The following FAM171B variants were observed in gnomAD, a reference collection of about 807,000 sequenced individuals.
FAM171B encodes family with sequence similarity 171 member B.
A neutral mutation model predicts 75.6 loss-of-function variants in FAM171B; 19 were observed. The observed-to-expected ratio is 0.25, with a 90% CI of 0.18 to 0.37. FAM171B has a LOEUF of 0.37. Ranked by LOEUF, FAM171B falls within the 10% of genes least tolerant of loss-of-function variation. FAM171B has a pLI of 1.00. For synonymous variants in FAM171B, 367 were observed against 361.7 expected, an observed-to-expected ratio of 1.01 and a Z score of -0.17; for missense variants, 848 against 982.4, an observed-to-expected ratio of 0.86 and a Z score of 1.83.
At chr2:186,723,895 G>A (rs573765964) in intron 1 of FAM171B, among the ~76,000 whole-genome samples, 3 of 152,172 alleles carry the variant, frequency 2.0e-5, no homozygotes, top group African/African-American at 4.8e-5. Flanking sequence ...ATAAAAGTAA[G>A]GATTAATTCT....
At chr2:186,718,631 T>C (rs1030537346) in intron 1 of FAM171B, among the ~76,000 whole-genome samples, 4 of 152,204 alleles carry the variant, frequency 2.6e-5, no homozygotes, top group African/African-American at 9.6e-5. Context: ...TTAAATATAC[T>C]TACATACACA....
At chr2:186,708,389 G>A (rs1689763347) in intron 1 of FAM171B, among the ~76,000 whole-genome samples, 1 of 152,042 alleles carries the variant, frequency 6.6e-6, no homozygotes, top group Non-Finnish European at 1.5e-5. Flanking sequence ...CTCATTGAAT[G>A]TCTATGTGCC....
At chr2:186,720,335 G>A (rs1689933988) in intron 1 of FAM171B, among the ~76,000 whole-genome samples, 1 of 152,170 alleles carries the variant, frequency 6.6e-6, no homozygotes, top group Non-Finnish European at 1.5e-5. Flanking sequence ...ACCACACCTG[G>A]CCATAATATT....
chr2:186,715,346 G>A (rs1302544536), intron 1 of FAM171B, among the ~76,000 whole-genome samples: 1 of 151,962 alleles, frequency 6.6e-6, no homozygotes, highest in Non-Finnish European at 1.5e-5. Flanking sequence ...GGGACTACAG[G>A]CACACGCCAC....
intron 1 of FAM171B, among the ~76,000 whole-genome samples, chr2:186,704,624 T>C (rs1415567057): frequency 6.6e-6 from 1 of 152,208 alleles, no homozygotes; most frequent in African/African-American, 2.4e-5. Context: ...GATAATTTGC[T>C]GATTTCCTTC....
chr2:186,762,245 G>A lies in FAM171B; in HGVS notation c.1903G>A (p.Gly635Arg). 1.2e-6 allele frequency: 2 copies of A among 1,613,654 alleles called. No individual in the cohort carries two copies. Among genetic ancestry groups the A allele is most frequent in the Middle Eastern group, 1.7e-4 (1 of 6,058 alleles). Residue 635 changes from glycine to arginine, a missense_variant, in exon 8 of 8, where the codon GGA becomes AGA. By Grantham distance (125) the Gly-to-Arg change is moderately radical (BLOSUM62 -2). Transcript: ENST00000304698. This position sits in a 1 kb window ranked among gnomAD's most constrained non-coding sequence, Gnocchi z 4.0. ...SSLLESVSVP[G>R]TLNEAVVMTP... ...CTTACTGGAATCCGTCTCTGTTCCT[G>A]GAACACTAAATGAGGCTGTTGTAAT...
At chr2:186,723,935 A>C (rs79997050) in intron 1 of FAM171B, among the ~76,000 whole-genome samples, 3,010 of 152,356 alleles carry the variant, frequency 0.02, 50 homozygotes, top group Non-Finnish European at 0.032. Flanking sequence ...GTTCATTCAG[A>C]AATAAGTATT....
At chr2:186,709,966 C>T (rs967445296) in intron 1 of FAM171B, among the ~76,000 whole-genome samples, 6 of 151,884 alleles carry the variant, frequency 4.0e-5, no homozygotes, top group Admixed American at 3.3e-4. Flanking sequence ...TTCTTTTTTT[C>T]GGGTTAGCCT....
chr2:186,763,175 C>T lies in FAM171B; in HGVS notation c.*352C>T, dbSNP rs1247868832. ...CCTCAAGTTGCCTCCAAAAATGTTG[C>T]CTCTACCATGGTGACTACCCCATGG... On this transcript the variant is annotated 3_prime_UTR_variant, in exon 8 of 8. Coordinates refer to ENST00000304698, the MANE Select transcript of FAM171B (RefSeq NM_177454.4). 2 of 185,010 alleles carry T rather than the reference C, an allele frequency of 1.1e-5. No individual in the cohort carries two copies. Among genetic ancestry groups the T allele is most frequent in the African/African-American group, 4.8e-5 (2 of 42,030 alleles). 11.5% of individuals were successfully genotyped at this position (185,010 alleles called of 1,614,324 possible). A position where few individuals can be genotyped will look rare whatever the true frequency, so the allele number is the denominator to read the frequency against.
intron 4 of FAM171B, among the ~76,000 whole-genome samples, chr2:186,750,597 T>G: frequency 6.7e-6 from 1 of 149,304 alleles, no homozygotes; most frequent in Non-Finnish European, 1.5e-5. Flanking sequence ...ACTTTTAATC[T>G]GAATGCTTTT....
chr2:186,710,335 A>C (rs1689793471), intron 1 of FAM171B, among the ~76,000 whole-genome samples: 1 of 152,174 alleles, frequency 6.6e-6, no homozygotes, highest in South Asian at 2.1e-4. Flanking sequence ...CACTTGCACC[A>C]CCATTCAGAG....
intron 1 of FAM171B, among the ~76,000 whole-genome samples, chr2:186,721,890 GA>G (rs879733444): frequency 4.5e-5 from 6 of 134,082 alleles, no homozygotes; most frequent in African/African-American, 1.4e-4. Flanking sequence ...GTAGTCATTT[GA>G]AAAAAAAAAA....
At chr2:186,728,287 CTCT>C (rs1219598773) in intron 1 of FAM171B, among the ~76,000 whole-genome samples, 1 of 152,114 alleles carries the variant, frequency 6.6e-6, no homozygotes, top group African/African-American at 2.4e-5. Context: ...ATAGGAAGTT[CTCT>C]TGTCTGTTTC....
At chr2:186,705,288 A>G (rs1422334652) in intron 1 of FAM171B, among the ~76,000 whole-genome samples, 2 of 152,128 alleles carry the variant, frequency 1.3e-5, no homozygotes, top group East Asian at 3.9e-4. Context: ...GGTCTTTGCC[A>G]TGGAAAGGGG....
In FAM171B at chr2:186,746,243, A is replaced by G. The variant is rs1690363411; in HGVS notation, c.566-849A>G. Among the ~76,000 whole-genome samples, 3 of 152,358 alleles carry G rather than the reference A, an allele frequency of 2.0e-5. No individual in the cohort carries two copies. The South Asian group carries it at 6.2e-4, about 32-fold the overall frequency. Reference sequence around the variant, plus strand: ...TGTTAGAAGATACTGAGATATTTATACTTAGGAAAAATTCAGTTACTGAGA... The same window carrying G: ...TGTTAGAAGATACTGAGATATTTATGCTTAGGAAAAATTCAGTTACTGAGA... On this transcript the variant is annotated intron_variant, in intron 3 of 7. Transcript: ENST00000304698.
intron 1 of FAM171B, among the ~76,000 whole-genome samples, chr2:186,697,550 A>G (rs750693550): frequency 2.6e-5 from 4 of 152,114 alleles, no homozygotes; most frequent in African/African-American, 4.8e-5. Context: ...ATAATTCTTT[A>G]CCTGAGTATA....
At chr2:186,695,064 G>A (rs1359268488) in intron 1 of FAM171B, 2 of 152,232 alleles carry the variant, frequency 1.3e-5, no homozygotes, top group African/African-American at 4.8e-5. Context: ...TGTAATTGAA[G>A]GAAAGGGAAA....
chr2:186,712,768 T>G (rs1463466664), intron 1 of FAM171B, among the ~76,000 whole-genome samples: 1 of 152,226 alleles, frequency 6.6e-6, no homozygotes, highest in Admixed American at 6.5e-5. Context: ...TTCTCACTCC[T>G]GCTCACATTC....
At chr2:186,732,073 T>A (rs772717995) in intron 1 of FAM171B, among the ~76,000 whole-genome samples, 1 of 152,200 alleles carries the variant, frequency 6.6e-6, no homozygotes, top group Non-Finnish European at 1.5e-5. Context: ...ATCCTGAAAC[T>A]ATCCCCTAAT....
Sources: allele counts gnomAD v4.1 joint callset (sites outside exome capture counted in the v4.1 genomes callset), GRCh38; gene constraint gnomAD v4.1.1; non-coding constraint Gnocchi (gnomAD v3.1); transcripts MANE v1.5; gene names NCBI Gene and HGNC (gene_info 2026-07-23, HGNC 2026-07-21).